Variants in ZFP62 observed in about 807,000 individuals in gnomAD.
ZFP62 encodes the protein zinc finger protein 62 homolog.
In ZFP62, 44 loss-of-function variants were observed where a neutral mutation model predicts 56.4. That is an observed-to-expected ratio of 0.78 (90% CI 0.61 to 1.00). The LOEUF (loss-of-function observed/expected upper bound fraction) is 1.00, where lower values mean the gene tolerates loss of function less well. Among genes scored for constraint, ZFP62 ranks in the 50% least tolerant of loss-of-function variants. The probability of loss-of-function intolerance (pLI) is 0.00; values close to 1 mark genes in which losing one functional copy is unlikely to be tolerated. For missense variants in ZFP62, 1,030 were observed against 1,085.7 expected, an observed-to-expected ratio of 0.95 and a Z score of 0.72; for synonymous variants, 421 against 388.9, an observed-to-expected ratio of 1.08 and a Z score of -0.97.
chr5:180,845,681 C>T (rs801802), downstream of ZFP62: 729,811 of 983,486 alleles, frequency 0.74, 274,133 homozygotes, highest in East Asian at 0.96. Context: ...CCAGGAACTC[C>T]TTGGGTACAG....
chr5:180,846,865 C>G (rs917107363), downstream of ZFP62, among the ~76,000 whole-genome samples: 16 of 152,176 alleles, frequency 1.1e-4, no homozygotes, highest in African/African-American at 3.1e-4. Context: ...TAAATCAGTC[C>G]AAGTCTGTGT....
In ZFP62 at chr5:180,849,358, T is replaced by C. The variant is rs1227232414; in HGVS notation, c.2137A>G (p.Ser713Gly). ...CTTTTATGGCTTATAAGAGTTCTGC[T>C]TGAGAAAAAAGCTTTTCCACATTCA... ...CDECGKAFFS[S>G]RTLISHKRVH... The change falls in exon 2 of 2, where the codon AGC becomes GGC. Residue 713 changes from serine (S) to glycine (G), a missense_variant. Ser to Gly is a moderately conservative substitution (Grantham distance 56). Coordinates refer to ENST00000502412, the MANE Select transcript of ZFP62 (RefSeq NM_001172638.2). 3 of 1,551,724 alleles carry C rather than the reference T, an allele frequency of 1.9e-6. No homozygotes were observed. The highest frequency in any genetic ancestry group is 2.6e-6 in the Non-Finnish European group (3 of 1,147,024).
chr5:180,859,276 G>A (rs1581978246), intron 1 of ZFP62, among the ~76,000 whole-genome samples: 1 of 152,300 alleles, frequency 6.6e-6, no homozygotes, highest in South Asian at 2.1e-4. Flanking sequence ...TACTGTCTTT[G>A]ATTTGGAGAT....
chr5:180,856,263 A>G (rs1773966690), intron 1 of ZFP62, among the ~76,000 whole-genome samples: 1 of 152,214 alleles, frequency 6.6e-6, no homozygotes, highest in Non-Finnish European at 1.5e-5. Flanking sequence ...CTTGAGTGAA[A>G]TCAAAATGGA....
downstream of ZFP62, among the ~76,000 whole-genome samples, chr5:180,843,051 AAAT>A (rs1424411141): frequency 6.7e-6 from 1 of 149,430 alleles, no homozygotes; most frequent in South Asian, 2.1e-4. Context: ...CAAAAAAAAA[AAAT>A]AAATAAATAA....
intron 1 of ZFP62, among the ~76,000 whole-genome samples, chr5:180,854,478 C>A (rs2619761): frequency 2.0e-5 from 3 of 152,198 alleles, no homozygotes; most frequent in East Asian, 1.9e-4. Flanking sequence ...AGAGTAAAGA[C>A]TGGATCAGGA....
downstream of ZFP62, among the ~76,000 whole-genome samples, chr5:180,847,352 T>C (rs1773439383): frequency 9.5e-6 from 1 of 105,322 alleles, no homozygotes. Context: ...TGGTGACTGA[T>C]CACTCACACA....
In ZFP62 at chr5:180,850,329, C is replaced by G; in HGVS notation, c.1166G>C (p.Gly389Ala). The G allele has an allele frequency of 6.4e-7, 1 of 1,570,914 alleles. No homozygotes were observed. Among genetic ancestry groups the G allele is most frequent in the Non-Finnish European group, 8.6e-7 (1 of 1,158,098 alleles). The change falls in exon 2 of 2, where the codon GGA becomes GCA. Residue 389 changes from glycine (G) to alanine (A), a missense_variant. Physicochemically the swap from Gly to Ala is moderately conservative, Grantham distance 60. Transcript: ENST00000502412. ...GACATCACACTTGTAAGGTTTCTCTCCTGTGTGGATCCTTTTATGCACTAT... is the reference window on the plus strand; with the variant it reads ...GACATCACACTTGTAAGGTTTCTCTGCTGTGTGGATCCTTTTATGCACTAT... ...GLIVHKRIHT[G>A]EKPYKCDVCG...
At chr5:180,856,978 A>T (rs2619757) in intron 1 of ZFP62, among the ~76,000 whole-genome samples, 88,869 of 129,740 alleles carry the variant, frequency 0.68, 32,648 homozygotes, top group East Asian at 0.96. Context: ...AAAAAAAAAA[A>T]GCAAATACAG....
the ZFP62 span, chr5:180,835,649 C>T: frequency 2.0e-5 from 3 of 152,086 alleles, no homozygotes; most frequent in South Asian, 2.1e-4. Context: ...GCAAACCATC[C>T]GAAATGGTTA....
At chr5:180,858,122 T>A in intron 1 of ZFP62, among the ~76,000 whole-genome samples, 1 of 142,934 alleles carries the variant, frequency 7.0e-6, no homozygotes, top group African/African-American at 2.6e-5. Context: ...CTGGGCATGG[T>A]GGTGGGCACC....
chr5:180,843,053 AT>A (rs200329707), downstream of ZFP62, among the ~76,000 whole-genome samples: 536 of 148,880 alleles, frequency 3.6e-3, 7 homozygotes, highest in African/African-American at 0.012. Context: ...AAAAAAAAAA[AT>A]AAATAAATAA....
chr5:180,860,299 T>A (rs1421526882), intron 1 of ZFP62, among the ~76,000 whole-genome samples: 2 of 152,206 alleles, frequency 1.3e-5, no homozygotes, highest in South Asian at 4.1e-4. Context: ...CTGGTAACTT[T>A]TTATATTTTT....
the ZFP62 span, chr5:180,831,277 C>T: frequency 6.6e-6 from 1 of 152,638 alleles, no homozygotes; most frequent in East Asian, 1.9e-4. Flanking sequence ...GCCCCAGGGC[C>T]TCTGAGCTCC....
In ZFP62 at chr5:180,847,645, C is replaced by CT. The variant is rs1442743983; in HGVS notation, c.*1146dup. 25 of 985,322 alleles carry CT rather than the reference C, an allele frequency of 2.5e-5. No individual in the cohort carries two copies. Among genetic ancestry groups the CT allele is most frequent in the Non-Finnish European group, 3.0e-5 (25 of 829,932 alleles). The allele number at this position is 985,322 out of a possible 1,614,324, so 61.0% of individuals were successfully genotyped here. On this transcript the variant is annotated 3_prime_UTR_variant, in exon 2 of 2. Coordinates refer to ENST00000502412, the MANE Select transcript of ZFP62 (RefSeq NM_001172638.2). ...AAGGAATTTCTTTATTGGAATTCCACTTTACCTCGCCACAAGGAGCTGGCT... is the reference window on the plus strand; with the variant it reads ...AAGGAATTTCTTTATTGGAATTCCACTTTTACCTCGCCACAAGGAGCTGGCT...
the ZFP62 span, among the ~76,000 whole-genome samples, chr5:180,827,866 C>T: frequency 3.3e-5 from 5 of 152,312 alleles, no homozygotes; most frequent in Admixed American, 6.5e-5. Flanking sequence ...GTGGGACATG[C>T]GGGCAGCAAT....
Position 180,854,918 on chromosome 5 carries a change from G to A in ZFP62, c.2-3425C>T, listed in dbSNP as rs528088927. 1.4e-4 allele frequency among the ~76,000 whole-genome samples: 22 copies of A among 152,310 alleles called. No homozygotes were observed. The South Asian group carries it at 1.7e-3, about 11-fold the overall frequency. Reference sequence around the variant, plus strand: ...TCCTGACCTTGACTGGATCTGTAGCGGAGGGGAAAATTGTTATAGAAAACA... The same window carrying A: ...TCCTGACCTTGACTGGATCTGTAGCAGAGGGGAAAATTGTTATAGAAAACA... On this transcript the variant is annotated intron_variant, in intron 1 of 1. Transcript: ENST00000502412.
At chr5:180,855,965 T>C (rs780733945) in intron 1 of ZFP62, among the ~76,000 whole-genome samples, 5 of 152,218 alleles carry the variant, frequency 3.3e-5, no homozygotes, top group African/African-American at 4.8e-5. Context: ...CAGCCGCCTG[T>C]GCAACTGTCA....
the ZFP62 span, among the ~76,000 whole-genome samples, chr5:180,832,185 T>G: frequency 6.6e-6 from 1 of 152,212 alleles, no homozygotes; most frequent in African/African-American, 2.4e-5. Flanking sequence ...GACAGTCTGT[T>G]CTGTCACCCA....
Sources: gnomAD v4.1 joint callset for allele counts (sites outside exome capture counted in the v4.1 genomes callset) on GRCh38, gnomAD v4.1.1 for gene constraint, MANE v1.5 for transcripts, NCBI Gene and HGNC (gene_info 2026-07-23, HGNC 2026-07-21) for gene names.